DPP6: variants seen among roughly 807,000 people sequenced by gnomAD.
DPP6 encodes dipeptidyl peptidase like 6.
In DPP6, 69 loss-of-function variants were observed where a neutral mutation model predicts 122.6. That is an observed-to-expected ratio of 0.56 (90% CI 0.46 to 0.69). The LOEUF (loss-of-function observed/expected upper bound fraction) is 0.69, where lower values mean the gene tolerates loss of function less well. Among genes scored for constraint, DPP6 ranks in the 30% least tolerant of loss-of-function variants. The pLI is 0.00. For synonymous variants in DPP6, 418 were observed against 433.1 expected, an observed-to-expected ratio of 0.97 and a Z score of 0.43; for missense variants, 928 against 1,116.9, an observed-to-expected ratio of 0.83 and a Z score of 2.41.
chr7:154,239,627 C>T lies in DPP6; in HGVS notation c.243+186564C>T, dbSNP rs1207656497. On this transcript the variant is annotated intron_variant, in intron 1 of 25. Coordinates refer to ENST00000377770, the MANE Select transcript of DPP6 (RefSeq NM_130797.4). ...TCGACTGTTTATATCATTGGTAAGG[C>T]TTCCTGTCAGCAGTAGGCTATTACT... Among the ~76,000 whole-genome samples the T allele has an allele frequency of 2.0e-5, 3 of 152,166 alleles. No homozygotes were observed. In the East Asian group the frequency reaches 5.8e-4, roughly 29 times the overall value.
intron 7 of DPP6, among the ~76,000 whole-genome samples, chr7:154,672,905 T>C (rs1430264161): frequency 6.6e-6 from 1 of 152,302 alleles, no homozygotes; most frequent in Middle Eastern, 3.4e-3. Context: ...ATAGACAAGA[T>C]GGGCATGGCT....
chr7:154,580,931 T>G (rs1055025071), intron 5 of DPP6, among the ~76,000 whole-genome samples: 3 of 152,142 alleles, frequency 2.0e-5, no homozygotes, highest in African/African-American at 7.2e-5. Context: ...ACGGGTCCCT[T>G]CTGCTGACAG....
intron 1 of DPP6, among the ~76,000 whole-genome samples, chr7:154,147,651 TG>T (rs1554475638): frequency 4.9e-5 from 1 of 20,496 alleles, no homozygotes; most frequent in African/African-American, 8.3e-5. Flanking sequence ...AGCTAATTTG[TG>T]TGTGTGTGTG....
chr7:154,862,246 C>T (rs1189054491), intron 17 of DPP6, among the ~76,000 whole-genome samples: 1 of 152,198 alleles, frequency 6.6e-6, no homozygotes, highest in Non-Finnish European at 1.5e-5. Flanking sequence ...ATGAAAGAGG[C>T]ACAGGAAAGG....
At chr7:154,131,534 C>T (rs1203238914) in intron 1 of DPP6, among the ~76,000 whole-genome samples, 3 of 152,270 alleles carry the variant, frequency 2.0e-5, no homozygotes, top group Admixed American at 6.5e-5. Context: ...CCTTCAGCTG[C>T]TTCCCAACCA....
intron 1 of DPP6, among the ~76,000 whole-genome samples, chr7:154,029,712 G>T (rs1011331446): frequency 6.7e-6 from 1 of 149,630 alleles, no homozygotes; most frequent in Non-Finnish European, 1.5e-5. Context: ...TGGGCATGGT[G>T]GCGGGCGCCT....
chr7:154,644,706 CTTTTTT>C (rs5888584), intron 6 of DPP6, among the ~76,000 whole-genome samples: 1 of 129,960 alleles, frequency 7.7e-6, no homozygotes, highest in Admixed American at 8.1e-5. Flanking sequence ...CTTAAAATGG[CTTTTTT>C]TTTTTTTTTT....
intron 1 of DPP6, among the ~76,000 whole-genome samples, chr7:154,223,887 C>T (rs1427836918): frequency 6.7e-6 from 1 of 148,796 alleles, no homozygotes; most frequent in Non-Finnish European, 1.5e-5. Flanking sequence ...ACTCAGAGGC[C>T]ACTGTGGCCC....
chr7:154,045,198 A>G (rs868119832), intron 1 of DPP6, among the ~76,000 whole-genome samples: 1,846 of 26,480 alleles, frequency 0.07, 35 homozygotes, highest in African/African-American at 0.18. Flanking sequence ...GTCTTAGAAA[A>G]GATAAAAAAA....
At chr7:154,182,030 G>A (rs1798116313) in intron 1 of DPP6, among the ~76,000 whole-genome samples, 2 of 152,050 alleles carry the variant, frequency 1.3e-5, no homozygotes, top group Non-Finnish European at 2.9e-5. Flanking sequence ...GAGATTACAG[G>A]TGTGTGCCAC....
At chr7:154,152,548 T>C (rs1262068774) in intron 1 of DPP6, among the ~76,000 whole-genome samples, 3 of 152,242 alleles carry the variant, frequency 2.0e-5, no homozygotes, top group Non-Finnish European at 4.4e-5. Context: ...TTTAGCAAAT[T>C]TATGTCATTG....
intron 3 of DPP6, among the ~76,000 whole-genome samples, chr7:154,480,153 A>T (rs542663959): frequency 6.6e-6 from 1 of 152,112 alleles, no homozygotes; most frequent in African/African-American, 2.4e-5. Context: ...TTTGTTCTGT[A>T]TTGGCTGATT....
intron 8 of DPP6, among the ~76,000 whole-genome samples, chr7:154,731,441 C>CT (rs1842336446): frequency 6.6e-6 from 1 of 152,238 alleles, no homozygotes; most frequent in African/African-American, 2.4e-5. Flanking sequence ...ATAGAGGCTT[C>CT]TGGGAGTCTC....
At chr7:154,733,200 G>C (rs1281991795) in intron 8 of DPP6, among the ~76,000 whole-genome samples, 1 of 152,258 alleles carries the variant, frequency 6.6e-6, no homozygotes, top group Non-Finnish European at 1.5e-5. Flanking sequence ...GGCTAGTCTG[G>C]CCAGAAAGGA....
At chr7:154,200,528 C>T (rs115856847) in intron 1 of DPP6, among the ~76,000 whole-genome samples, 3,691 of 152,142 alleles carry the variant, frequency 0.024, 174 homozygotes, top group African/African-American at 0.083. Flanking sequence ...GGGGCATTTG[C>T]TAACACAAAT....
chr7:154,061,496 C>T (rs561471521), intron 1 of DPP6, among the ~76,000 whole-genome samples: 1 of 147,286 alleles, frequency 6.8e-6, no homozygotes, highest in Non-Finnish European at 1.5e-5. Context: ...CAGCAACTGC[C>T]CTGCTAGTAC....
intron 8 of DPP6, among the ~76,000 whole-genome samples, chr7:154,738,443 G>C (rs952855045): frequency 2.0e-5 from 3 of 152,182 alleles, no homozygotes; most frequent in African/African-American, 7.2e-5. Context: ...GATTACATCT[G>C]TACCCTGGGA....
Position 154,767,573 on chromosome 7 carries a change from C to T in DPP6, c.884-1844C>T, listed in dbSNP as rs918419195. 2.6e-5 allele frequency among the ~76,000 whole-genome samples: 4 copies of T among 152,128 alleles called. No individual in the cohort carries two copies. The East Asian group carries it at 5.8e-4, about 22-fold the overall frequency. Reference sequence around the variant, plus strand: ...CTTCCTTTGTCTTCTCCTCACTGACCTCCACAGGCCTCTGAGCTTCTATTG... The same window carrying T: ...CTTCCTTTGTCTTCTCCTCACTGACTTCCACAGGCCTCTGAGCTTCTATTG... On this transcript the variant is annotated intron_variant, in intron 8 of 25. Transcript: ENST00000377770.
intron 1 of DPP6, among the ~76,000 whole-genome samples, chr7:154,206,623 G>T (rs1799463704): frequency 6.6e-6 from 1 of 152,132 alleles, no homozygotes. Context: ...TTGTAAGATT[G>T]TATAAAGTTG....
Sources: allele counts gnomAD v4.1 joint callset (sites outside exome capture counted in the v4.1 genomes callset), GRCh38; gene constraint gnomAD v4.1.1; transcripts MANE v1.5; gene names NCBI Gene and HGNC (gene_info 2026-07-23, HGNC 2026-07-21).